Variants in HEATR5A observed in about 807,000 individuals in gnomAD.
HEATR5A encodes HEAT repeat-containing protein 5A.
In HEATR5A, 178 loss-of-function variants were observed where a neutral mutation model predicts 218.8. The observed-to-expected ratio is 0.81, with a 90% confidence interval of 0.72 to 0.92. HEATR5A has a LOEUF of 0.92. Among genes scored for constraint, HEATR5A ranks in the 40% least tolerant of loss-of-function variants. HEATR5A has a pLI of 0.00. For missense variants in HEATR5A, 2,420 were observed against 2,418.9 expected (o/e 1.00, Z -0.01); for synonymous variants, 864 against 871.6 (o/e 0.99, Z 0.15).
chr14:31,365,098 C>T (rs756464737), intron 13 of HEATR5A, among the ~76,000 whole-genome samples: 6 of 151,998 alleles, frequency 3.9e-5, no homozygotes, highest in Non-Finnish European at 7.4e-5. Flanking sequence ...TGGTCTTGGA[C>T]TCCTGACCTC....
intron 1 of HEATR5A, among the ~76,000 whole-genome samples, chr14:31,413,582 GA>G (rs922250810): frequency 1.3e-5 from 2 of 151,988 alleles, no homozygotes; most frequent in African/African-American, 4.8e-5. Flanking sequence ...GGTGGGAGGG[GA>G]TAAGACTGAG....
At chr14:31,331,777 C>G (rs1316851211) in intron 22 of HEATR5A, among the ~76,000 whole-genome samples, 1 of 152,174 alleles carries the variant, frequency 6.6e-6, no homozygotes, top group African/African-American at 2.4e-5. Context: ...TACATGGCAG[C>G]AGGTGAGAGT....
intron 6 of HEATR5A, among the ~76,000 whole-genome samples, chr14:31,391,376 C>T (rs1230104135): frequency 3.3e-5 from 5 of 152,152 alleles, no homozygotes; most frequent in African/African-American, 2.4e-5. Flanking sequence ...TGACTTCAAG[C>T]AATCCATCCG....
In HEATR5A at chr14:31,380,695, A is replaced by C. The variant is rs79649794; in HGVS notation, c.1597-117T>G. The C allele has an allele frequency of 2.3e-3, 1,537 of 680,546 alleles. 11 individuals are homozygous for C. In the African/African-American group the frequency reaches 0.025, roughly 11 times the overall value. 42.2% of individuals were successfully genotyped at this position (680,546 alleles called of 1,614,324 possible). A position where few individuals can be genotyped will look rare whatever the true frequency, so the allele number is the denominator to read the frequency against. On this transcript the variant is annotated intron_variant, in intron 10 of 35. Transcript: ENST00000543095. ...TTACATAAAATAAATGTAAACGATAAAGAACTGTCATTCGTGTAGACTACA... is the reference window on the plus strand; with the variant it reads ...TTACATAAAATAAATGTAAACGATACAGAACTGTCATTCGTGTAGACTACA...
At chr14:31,347,691 A>T (rs1901067661) in intron 19 of HEATR5A, 57 bp downstream of exon 19, 1 of 1,302,552 alleles carries the variant, frequency 7.7e-7, no homozygotes, top group African/African-American at 1.5e-5. Context: ...ATATAAACAC[A>T]ATCTGCATCA....
At chr14:31,387,069 G>A in intron 8 of HEATR5A, 51 bp downstream of exon 8, 1 of 1,583,024 alleles carries the variant, frequency 6.3e-7, no homozygotes, top group Admixed American at 1.7e-5. Context: ...TTTCCCAAAG[G>A]GACAATTCCA....
chr14:31,340,649 A>G (rs1052134204), intron 21 of HEATR5A, among the ~76,000 whole-genome samples: 1 of 152,272 alleles, frequency 6.6e-6, no homozygotes, highest in African/African-American at 2.4e-5. Context: ...CAACAAAATG[A>G]GTTGAGCCAA....
At chr14:31,375,551 G>A (rs1469899925) in intron 11 of HEATR5A, among the ~76,000 whole-genome samples, 1 of 151,994 alleles carries the variant, frequency 6.6e-6, no homozygotes, top group East Asian at 1.9e-4. Flanking sequence ...ACAGGTACAT[G>A]CCACCACGCC....
At position 31,379,238 on chromosome 14, in the gene HEATR5A, C is replaced by T. The variant is rs7151169; in HGVS notation, c.1708+1229G>A. Among the ~76,000 whole-genome samples, 583 of 145,348 alleles carry T rather than the reference C, an allele frequency of 4.0e-3. 9 individuals carry two copies. The highest frequency in any genetic ancestry group is 0.014 in the African/African-American group (538 of 39,258). Reference sequence around the variant, plus strand: ...GCTAGGATTACGGCGTGAGCCACTGCGCCCGAACTATTCATTTTTTGTTTT... The same window carrying T: ...GCTAGGATTACGGCGTGAGCCACTGTGCCCGAACTATTCATTTTTTGTTTT... On this transcript the variant is annotated intron_variant, in intron 11 of 35. Transcript: ENST00000543095.
chr14:31,313,272 G>A lies in HEATR5A; in HGVS notation c.4219-82C>T, dbSNP rs1899814480. 4.9e-6 allele frequency: 5 copies of A among 1,028,314 alleles called. No homozygotes were observed. The Admixed American group carries it at 9.9e-5, about 20-fold the overall frequency. 63.7% of individuals were successfully genotyped at this position (1,028,314 alleles called of 1,614,324 possible). On this transcript the variant is annotated intron_variant, in intron 27 of 35. Coordinates refer to ENST00000543095, the MANE Select transcript of HEATR5A (RefSeq NM_015473.4). ...AAAATTTTTATATCTTCCTGAAGAG[G>A]CAGACTTACCTTTGAGCATACTGGA...
intron 21 of HEATR5A, among the ~76,000 whole-genome samples, chr14:31,343,462 G>T (rs1900910333): frequency 6.6e-6 from 1 of 152,076 alleles, no homozygotes; most frequent in Non-Finnish European, 1.5e-5. Flanking sequence ...TACAATATTA[G>T]AAGCCAGATA....
At chr14:31,418,480 C>T (rs1204070855) in intron 1 of HEATR5A, among the ~76,000 whole-genome samples, 1 of 152,124 alleles carries the variant, frequency 6.6e-6, no homozygotes, top group African/African-American at 2.4e-5. Context: ...CAGATTTGAC[C>T]CACAGGCTGT....
intron 14 of HEATR5A, among the ~76,000 whole-genome samples, chr14:31,360,694 G>T (rs1330655684): frequency 6.6e-6 from 1 of 152,144 alleles, no homozygotes; most frequent in African/African-American, 2.4e-5. Context: ...GTTTCTTTGA[G>T]CAATTGCACC....
intron 16 of HEATR5A, among the ~76,000 whole-genome samples, chr14:31,358,143 G>A (rs1901490309): frequency 1.3e-5 from 2 of 152,168 alleles, no homozygotes; most frequent in African/African-American, 4.8e-5. Flanking sequence ...CCTACGCCAT[G>A]GACGAACTGT....
chr14:31,307,281 A>C (rs975770932), intron 30 of HEATR5A, among the ~76,000 whole-genome samples: 1 of 152,252 alleles, frequency 6.6e-6, no homozygotes, highest in African/African-American at 2.4e-5. Context: ...TAACAAAAGT[A>C]ATCTACTTGA....
chr14:31,398,652 G>C (rs2030751842), intron 4 of HEATR5A, 21 bp downstream of exon 4: 1 of 1,283,084 alleles, frequency 7.8e-7, no homozygotes, highest in East Asian at 2.5e-5. Flanking sequence ...TCATTCTTTG[G>C]CTGAACTTGT....
chr14:31,293,188 A>G lies in HEATR5A; in HGVS notation c.*117T>C. On this transcript the variant is annotated 3_prime_UTR_variant, in exon 36 of 36. Transcript: ENST00000543095. ...TACTTTGAAGAGTCACAGCTATTTA[A>G]GGTAAAACAATCAACTAGACCTCTA... 1 of 711,418 alleles carries G rather than the reference A, an allele frequency of 1.4e-6. No homozygotes were observed. The highest frequency in any genetic ancestry group is 2.3e-6 in the Non-Finnish European group (1 of 433,784). The allele number at this position is 711,418 out of a possible 1,614,324, so 44.1% of individuals were successfully genotyped here.
rs1595067466 is a variant in HEATR5A, at chr14:31,293,453, A to G, written c.5993T>C (p.Leu1998Ser). ...TTTTAGGGCTGGAGAAGAAGCCACT[A>G]AACTTTTAAAAACAGATGAATACTG... is the stretch of plus-strand genomic sequence containing the variant. ...GPQYSSVFKSLVASSPALKAR... is the reference protein window; with the variant it reads ...GPQYSSVFKSSVASSPALKAR... Residue 1998 changes from leucine (L) to serine (S), a missense_variant, in exon 36 of 36, where the codon TTA (leucine) becomes TCA (serine). By Grantham distance (145) the Leu-to-Ser change is moderately radical. Transcript: ENST00000543095. The G allele has an allele frequency of 2.5e-6, 4 of 1,613,980 alleles. No homozygotes were observed. The highest frequency in any genetic ancestry group is 1.3e-5 in the African/African-American group (1 of 75,050).
chr14:31,298,125 T>C (rs1899250649), intron 33 of HEATR5A, among the ~76,000 whole-genome samples: 1 of 152,158 alleles, frequency 6.6e-6, no homozygotes, highest in Non-Finnish European at 1.5e-5. Flanking sequence ...AAATGAATCC[T>C]CTAGCTGCAG....
Sources: gnomAD v4.1 joint callset for allele counts (sites outside exome capture counted in the v4.1 genomes callset) on GRCh38, gnomAD v4.1.1 for gene constraint, MANE v1.5 for transcripts, NCBI Gene and HGNC (gene_info 2026-07-23, HGNC 2026-07-21) for gene names.